Variants in PALM2AKAP2 observed in about 807,000 individuals in gnomAD.
PALM2AKAP2 encodes the protein PALM2-AKAP2 fusion protein.
A neutral mutation model predicts 71.5 loss-of-function variants in PALM2AKAP2; 37 were observed. That is an observed-to-expected ratio of 0.52 (90% CI 0.40 to 0.68). The LOEUF is 0.68. Among genes scored for constraint, PALM2AKAP2 ranks in the 30% least tolerant of loss-of-function variants. The pLI, the probability that PALM2AKAP2 is intolerant of heterozygous loss-of-function variation, is 0.00. For synonymous variants in PALM2AKAP2, 468 were observed against 478.8 expected, an observed-to-expected ratio of 0.98 and a Z score of 0.29; for missense variants, 1,224 against 1,191.8, an observed-to-expected ratio of 1.03 and a Z score of -0.40.
chr9:109,869,495 A>T (rs1587973990), intron 2 of PALM2AKAP2, among the ~76,000 whole-genome samples: 1 of 142,200 alleles, frequency 7.0e-6, no homozygotes, highest in Non-Finnish European at 1.5e-5. Context: ...CGCCCAGCTA[A>T]TTTTTTTTTT....
At chr9:109,705,750 C>A (rs942813536) in intron 1 of PALM2AKAP2, among the ~76,000 whole-genome samples, 2 of 152,164 alleles carry the variant, frequency 1.3e-5, no homozygotes, top group Non-Finnish European at 2.9e-5. Flanking sequence ...GGGTTTGAAT[C>A]CAGCCTCTGC....
At chr9:109,837,644 C>T (rs1828518900) in intron 1 of PALM2AKAP2, among the ~76,000 whole-genome samples, 2 of 152,014 alleles carry the variant, frequency 1.3e-5, no homozygotes, top group South Asian at 4.2e-4. Flanking sequence ...ATCTCATATG[C>T]AGAGACACAC....
At chr9:109,663,185 T>A (rs1441427804) in intron 1 of PALM2AKAP2, among the ~76,000 whole-genome samples, 1 of 152,222 alleles carries the variant, frequency 6.6e-6, no homozygotes, top group Non-Finnish European at 1.5e-5. Context: ...TGTCTCTATC[T>A]CTTTCAGTTC....
At chr9:109,774,628 T>C (rs569018308) in intron 1 of PALM2AKAP2, among the ~76,000 whole-genome samples, 5 of 151,342 alleles carry the variant, frequency 3.3e-5, no homozygotes, top group Non-Finnish European at 7.4e-5. Flanking sequence ...TACTGACTAA[T>C]GGGAGGAATG....
intron 7 of PALM2AKAP2, among the ~76,000 whole-genome samples, chr9:110,016,718 C>A (rs1832986032): frequency 6.6e-6 from 1 of 152,170 alleles, no homozygotes; most frequent in African/African-American, 2.4e-5. Flanking sequence ...GAATGATCTT[C>A]CTCTCTTAGA....
At chr9:109,967,502 T>C (rs974325235) in intron 6 of PALM2AKAP2, among the ~76,000 whole-genome samples, 1 of 151,884 alleles carries the variant, frequency 6.6e-6, no homozygotes, top group Non-Finnish European at 1.5e-5. Context: ...CTCCACTTGC[T>C]GGGTTCAAGT....
rs138337833 is a variant in PALM2AKAP2 at position 109,989,657 on chromosome 9, G to A, written c.497-26297G>A. ...TCTCAGGAGTGTTTGCTGCTGTCAG[G>A]GGTAACATGGTGAAGGATAGAGCAA... is the stretch of plus-strand genomic sequence containing the variant. On this transcript the variant is annotated intron_variant, in intron 6 of 9. Transcript: ENST00000302798. Among the ~76,000 whole-genome samples, 149 of 152,300 alleles carry A rather than the reference G, an allele frequency of 9.8e-4. 1 individual carries two copies. The East Asian group carries it at 0.027, about 27-fold the overall frequency.
chr9:109,683,093 G>C (rs906349069), intron 1 of PALM2AKAP2, among the ~76,000 whole-genome samples: 1 of 152,082 alleles, frequency 6.6e-6, no homozygotes, highest in Non-Finnish European at 1.5e-5. Context: ...CTCCCCGCTT[G>C]CTCCTGCTTT....
intron 1 of PALM2AKAP2, among the ~76,000 whole-genome samples, chr9:109,841,904 G>A (rs1375843395): frequency 1.7e-5 from 2 of 120,242 alleles, no homozygotes; most frequent in African/African-American, 6.5e-5. Context: ...GAAGTTGGAA[G>A]GATAGAGGGG....
intron 1 of PALM2AKAP2, among the ~76,000 whole-genome samples, chr9:110,076,139 T>C (rs1834315666): frequency 6.6e-6 from 1 of 152,148 alleles, no homozygotes. Context: ...TGTCTCTTTA[T>C]CACCCTCTAA....
intron 1 of PALM2AKAP2, among the ~76,000 whole-genome samples, chr9:109,719,198 T>G: frequency 6.6e-6 from 1 of 152,236 alleles, no homozygotes; most frequent in East Asian, 1.9e-4. Flanking sequence ...GGCCAAAGCA[T>G]GTTTAGTCTA....
chr9:109,985,644 T>C (rs1467768199), intron 6 of PALM2AKAP2, among the ~76,000 whole-genome samples: 1 of 145,452 alleles, frequency 6.9e-6, no homozygotes, highest in African/African-American at 2.5e-5. Context: ...CTGTCTTGAG[T>C]TTTCTTTCTT....
chr9:109,822,300 CATCCATCT>C (rs1275363423), intron 1 of PALM2AKAP2, among the ~76,000 whole-genome samples: 1 of 151,024 alleles, frequency 6.6e-6, no homozygotes, highest in Non-Finnish European at 1.5e-5. Flanking sequence ...TCCATCCATC[CATCCATCT>C]ATCCATCCAT....
chr9:109,704,231 G>A (rs73657038), intron 1 of PALM2AKAP2, among the ~76,000 whole-genome samples: 39 of 152,318 alleles, frequency 2.6e-4, no homozygotes, highest in African/African-American at 8.7e-4. Context: ...GGTGCTCAGA[G>A]AAGTTCTCAA....
chr9:109,963,819 G>C (rs1408574500), intron 6 of PALM2AKAP2, among the ~76,000 whole-genome samples: 1 of 152,190 alleles, frequency 6.6e-6, no homozygotes, highest in African/African-American at 2.4e-5. Flanking sequence ...CACTCTGAAG[G>C]GTGTACCAAA....
rs1829441445 is a variant in PALM2AKAP2, at chr9:109,781,137, T to G, written c.45+604T>G. On this transcript the variant is annotated intron_variant, in intron 1 of 9. Coordinates refer to the PALM2AKAP2 transcript ENST00000302798. Reference sequence around the variant, plus strand: ...TTCCATGAGAGCCTCCTTCTTATGGTGTGGAGTATCTGAAAACCTATTTTC... The same window carrying G: ...TTCCATGAGAGCCTCCTTCTTATGGGGTGGAGTATCTGAAAACCTATTTTC... Among the ~76,000 whole-genome samples the G allele has an allele frequency of 3.9e-5, 6 of 152,192 alleles. No homozygotes were observed. The South Asian group carries it at 1.2e-3, about 32-fold the overall frequency.
At chr9:109,787,291 A>C (rs1021967551) in intron 1 of PALM2AKAP2, among the ~76,000 whole-genome samples, 37 of 152,372 alleles carry the variant, frequency 2.4e-4, no homozygotes, top group African/African-American at 8.9e-4. Context: ...CAGAGACAGC[A>C]TGCATTAAGC....
chr9:109,890,070 A>G (rs1470994821), intron 3 of PALM2AKAP2, among the ~76,000 whole-genome samples: 2 of 152,188 alleles, frequency 1.3e-5, no homozygotes, highest in East Asian at 3.8e-4. Flanking sequence ...TAACGTGGTC[A>G]TTTCCAACCG....
intron 1 of PALM2AKAP2, among the ~76,000 whole-genome samples, chr9:110,094,411 A>C (rs1196962088): frequency 6.6e-6 from 1 of 152,212 alleles, no homozygotes; most frequent in Non-Finnish European, 1.5e-5. Flanking sequence ...TGCTATGAAG[A>C]AATACCTGAA....
Sources: allele counts gnomAD v4.1 joint callset (sites outside exome capture counted in the v4.1 genomes callset), GRCh38; gene constraint gnomAD v4.1.1; transcripts MANE v1.5; gene names NCBI Gene and HGNC (gene_info 2026-07-23, HGNC 2026-07-21).